ZNF324: variants seen among roughly 807,000 people sequenced by gnomAD.
The protein encoded by ZNF324 is zinc finger protein 324A.
In ZNF324, 3 loss-of-function variants were observed where a neutral mutation model predicts 10.3. The ratio of observed to expected loss-of-function variants is 0.29; its 90% CI spans 0.13 to 0.75. The LOEUF (loss-of-function observed/expected upper bound fraction) is 0.75. Among genes scored for constraint, ZNF324 ranks in the 30% least tolerant of loss-of-function variants. The probability of loss-of-function intolerance (pLI) is 0.69; values close to 1 mark genes in which losing one functional copy is unlikely to be tolerated. For missense variants in ZNF324, 763 were observed against 784.4 expected (o/e 0.97, Z 0.33); for synonymous variants, 430 against 339.5 (o/e 1.27, Z -2.93).
At chr19:58,469,370 C>A in intron 2 of ZNF324, 64 bp downstream of exon 2, 1 of 1,581,462 alleles carries the variant, frequency 6.3e-7, no homozygotes, top group East Asian at 2.2e-5. Flanking sequence ...AGGGCTGCCC[C>A]CTCACCTCCC....
rs773279417 is a variant in ZNF324 at position 58,471,951 on chromosome 19, G to A, written c.1459G>A (p.Gly487Ser). Residue 487 changes from glycine (G) to serine (S), a missense_variant, in exon 4 of 4, where the codon GGC becomes AGC. Physicochemically the swap from Gly to Ser is moderately conservative, Grantham distance 56. Coordinates refer to ENST00000196482, the MANE Select transcript of ZNF324 (RefSeq NM_014347.3). Reference sequence around the variant, plus strand: ...GAAGCCCTTCGTGTGTACGCAGTGTGGCCGCGCCTTCCGTGAGCGCCCGGC... The same window carrying A: ...GAAGCCCTTCGTGTGTACGCAGTGTAGCCGCGCCTTCCGTGAGCGCCCGGC... Reference protein sequence around the residue: ...GEKPFVCTQCGRAFRERPALF... With the variant: ...GEKPFVCTQCSRAFRERPALF... 1.2e-6 allele frequency: 2 copies of A among 1,609,600 alleles called. No individual in the cohort carries two copies. Among genetic ancestry groups the A allele is most frequent in the Non-Finnish European group, 1.7e-6 (2 of 1,179,168 alleles).
In ZNF324 at chr19:58,474,051, A is replaced by G. The variant is rs1568614395; in HGVS notation, c.*1897A>G. ...CTGCAGCTATCCTGCCCTATACACA[A>G]AGAGCCCAGATCCAGGCCCCACACA... On this transcript the variant is annotated 3_prime_UTR_variant, in exon 4 of 4. Coordinates refer to ENST00000196482, the MANE Select transcript of ZNF324 (RefSeq NM_014347.3). The G allele has an allele frequency of 6.6e-6, 1 of 152,180 alleles. No homozygotes were observed. The highest frequency in any genetic ancestry group is 1.5e-5 in the Non-Finnish European group (1 of 68,038). The allele number at this position is 152,180 out of a possible 1,614,324, so 9.4% of individuals were successfully genotyped here. A position where few individuals can be genotyped will look rare whatever the true frequency, so the allele number is the denominator to read the frequency against.
At chr19:58,469,951 C>T (rs1054672279) in intron 3 of ZNF324, 107 bp downstream of exon 3, 56 of 821,590 alleles carry the variant, frequency 6.8e-5, no homozygotes, top group African/African-American at 5.3e-4. Context: ...CCCTCCCACC[C>T]GATTCCCTTC....
chr19:58,469,636 C>A, intron 2 of ZNF324, 92 bp from the exon 3 acceptor site: 1 of 1,075,118 alleles, frequency 9.3e-7, no homozygotes, highest in Non-Finnish European at 1.4e-6. Flanking sequence ...ATGACATTTT[C>A]TGTTTCCGTG....
chr19:58,471,776 A>T lies in ZNF324; in HGVS notation c.1284A>T (p.Pro428=). The T allele has an allele frequency of 2.5e-6, 4 of 1,612,462 alleles. No homozygotes were observed. Among genetic ancestry groups the T allele is most frequent in the Non-Finnish European group, 3.4e-6 (4 of 1,179,632 alleles). ...CAGGCGAGAAGCCCTTCGCCTGCCC[A>T]CAGTGCGGCCGCGCCTTTAGCCACA... ...VHTGEKPFAC[P]QCGRAFSHSS... The change falls in exon 4 of 4, where the codon CCA becomes CCT. Residue 428 remains proline, a synonymous_variant. Transcript: ENST00000196482.
intron 3 of ZNF324, among the ~76,000 whole-genome samples, 178 bp downstream of exon 3, chr19:58,470,022 CAAGGGCACAGGAGCGGGGTTGACACAG>C (rs554087963): frequency 9.9e-4 from 150 of 152,012 alleles, no homozygotes; most frequent in Middle Eastern, 3.4e-3. Flanking sequence ...GGTGGAGCTC[CAAGGGCACAGGAGCGGGGTTGACACAG>C]AAGGGCACTC....
chr19:58,470,584 A>T, intron 3 of ZNF324, 147 bp from the exon 4 acceptor site: 1 of 959,192 alleles, frequency 1.0e-6, no homozygotes, highest in Non-Finnish European at 1.7e-6. Context: ...TCCAAACCCC[A>T]GCCCCTCCTG....
chr19:58,470,608 A>C, intron 3 of ZNF324, 123 bp from the exon 4 acceptor site: 1 of 1,233,112 alleles, frequency 8.1e-7, no homozygotes. Flanking sequence ...GGCCAGCCTC[A>C]CCTCTACTTT....
chr19:58,469,229 GGGGGCTC>G lies in ZNF324; in HGVS notation c.45_51del (p.Trp15CysfsTer13). ...GCTGTGTACTTCTCCCAGGAGGAGTGGGGGCTCCTGGACACAGCCCAGAGGGCCCTGT... is the reference window on the plus strand; with the variant it reads ...GCTGTGTACTTCTCCCAGGAGGAGTGCTGGACACAGCCCAGAGGGCCCTGT... On this transcript the variant is annotated frameshift_variant, in exon 2 of 4. Coordinates refer to ENST00000196482, the MANE Select transcript of ZNF324 (RefSeq NM_014347.3). LOFTEE classifies it high-confidence loss of function. 1 of 1,614,078 alleles carries G rather than the reference GGGGGCTC, an allele frequency of 6.2e-7. No homozygotes were observed. The highest frequency in any genetic ancestry group is 8.5e-7 in the Non-Finnish European group (1 of 1,179,970).
At position 58,471,977 on chromosome 19, in the gene ZNF324, C is replaced by T. The variant is rs534694901; in HGVS notation, c.1485C>T (p.Ala495=). The change falls in exon 4 of 4, where the codon GCC becomes GCT. Residue 495 remains alanine, a synonymous_variant. Transcript: ENST00000196482. ...QCGRAFRERP[A]LFHHQRIHTG... is the part of the protein sequence containing the mutation. ...GCCGCGCCTTCCGTGAGCGCCCGGC[C>T]CTCTTCCACCACCAGAGGATCCATA... 4.4e-6 allele frequency: 7 copies of T among 1,608,976 alleles called. No homozygotes were observed. The highest frequency in any genetic ancestry group is 5.9e-6 in the Non-Finnish European group (7 of 1,179,524).
rs779561350 is a variant in ZNF324 at position 58,471,705 on chromosome 19, G to T, written c.1213G>T (p.Ala405Ser). 6.2e-7 allele frequency: 1 copy of T among 1,612,574 alleles called. No individual in the cohort carries two copies. Among genetic ancestry groups the T allele is most frequent in the Non-Finnish European group, 8.5e-7 (1 of 1,179,438 alleles). Residue 405 changes from alanine (A) to serine (S), a missense_variant, in exon 4 of 4, where the codon GCC (alanine) becomes TCC (serine). By Grantham distance (99) the Ala-to-Ser change is moderately conservative (BLOSUM62 1). Transcript: ENST00000196482. ...KPFVCALCGA[A>S]FSQGSSLFKH... ...CTTCGTGTGCGCGCTCTGCGGTGCT[G>T]CCTTCAGCCAGGGCTCCTCGCTCTT...
Position 58,469,332 on chromosome 19 carries a change from T to C in ZNF324, c.121+26T>C, listed in dbSNP as rs140294250. On this transcript the variant is annotated intron_variant, in intron 2 of 3. Coordinates refer to ENST00000196482, the MANE Select transcript of ZNF324 (RefSeq NM_014347.3). ...GTAAGGTCCTAGATACTCCATGAAA[T>C]GGGCAACTGATAACAAGCTGACTGG... 2.6e-5 allele frequency: 42 copies of C among 1,610,082 alleles called. No individual in the cohort carries two copies. The African/African-American group carries it at 4.4e-4, about 17-fold the overall frequency.
chr19:58,472,298 C>T lies in ZNF324; in HGVS notation c.*144C>T, dbSNP rs536808498. The T allele has an allele frequency of 1.7e-5, 15 of 896,690 alleles. No homozygotes were observed. Among genetic ancestry groups the T allele is most frequent in the Middle Eastern group, 6.9e-4 (2 of 2,896 alleles). The allele number at this position is 896,690 out of a possible 1,614,324, so 55.5% of individuals were successfully genotyped here. A position where few individuals can be genotyped will look rare whatever the true frequency, so the allele number is the denominator to read the frequency against. ...CCCTTTGGCTGTGATTTCATTTGCA[C>T]GTGGGGACAGGATTTGCCAGTTCAC... is the stretch of plus-strand genomic sequence containing the variant. On this transcript the variant is annotated 3_prime_UTR_variant, in exon 4 of 4. Transcript: ENST00000196482.
Position 58,469,902 on chromosome 19 carries a change from C to T in ZNF324, c.238+58C>T, listed in dbSNP as rs541342020. 6.3e-6 allele frequency: 9 copies of T among 1,426,146 alleles called. No homozygotes were observed. The Admixed American group carries it at 1.4e-4, about 22-fold the overall frequency. The allele number at this position is 1,426,146 out of a possible 1,614,324, so 88.3% of individuals were successfully genotyped here. On this transcript the variant is annotated intron_variant, in intron 3 of 3. Transcript: ENST00000196482. ...GACCAACCTGTGGTCATGCCTCTGT[C>T]CCTGGTTCCCAGACTCCCCAGAAGC...
In ZNF324 at chr19:58,469,326, A is replaced by G. The variant is rs112888137; in HGVS notation, c.121+20A>G. On this transcript the variant is annotated intron_variant, in intron 2 of 3. Coordinates refer to ENST00000196482, the MANE Select transcript of ZNF324 (RefSeq NM_014347.3). ...CGCTGGGTAAGGTCCTAGATACTCC[A>G]TGAAATGGGCAACTGATAACAAGCT... 3.1e-6 allele frequency: 5 copies of G among 1,609,842 alleles called. No individual in the cohort carries two copies. Among genetic ancestry groups the G allele is most frequent in the Non-Finnish European group, 4.2e-6 (5 of 1,177,964 alleles).
At chr19:58,470,664 C>A (rs2122411717) in intron 3 of ZNF324, 67 bp from the exon 4 acceptor site, 1 of 1,601,250 alleles carries the variant, frequency 6.2e-7, no homozygotes, top group South Asian at 1.1e-5. Flanking sequence ...CTTGCCTGTC[C>A]ACTCAGCCTG....
In ZNF324 at chr19:58,472,145, G is replaced by GGAGGTCT; in HGVS notation, c.1660_*4dup. ...GCCCAGCCGCCGTCTCGCAGCCAGCGGAGGTCTGAGGTCACAGGTTGCAGC... is the reference window on the plus strand; with the variant it reads ...GCCCAGCCGCCGTCTCGCAGCCAGCGGAGGTCTGAGGTCTGAGGTCACAGGTTGCAGC... On this transcript the variant is annotated frameshift_variant, in exon 4 of 4. Coordinates refer to ENST00000196482, the MANE Select transcript of ZNF324 (RefSeq NM_014347.3). LOFTEE classifies it high-confidence loss of function. 6.3e-7 allele frequency: 1 copy of GGAGGTCT among 1,576,422 alleles called. No individual in the cohort carries two copies. Among genetic ancestry groups the GGAGGTCT allele is most frequent in the African/African-American group, 1.3e-5 (1 of 74,630 alleles).
At position 58,472,755 on chromosome 19, in the gene ZNF324, A is replaced by G. The variant is rs548874956; in HGVS notation, c.*601A>G. ...GAACATCATGTTTGTAGACGCTGAC[A>G]GGTGGGGTCCTAATGAGAGCCAACA... is the stretch of plus-strand genomic sequence containing the variant. On this transcript the variant is annotated 3_prime_UTR_variant, in exon 4 of 4. Transcript: ENST00000196482. 1 of 152,718 alleles carries G rather than the reference A, an allele frequency of 6.5e-6. No individual in the cohort carries two copies. Among genetic ancestry groups the G allele is most frequent in the East Asian group, 1.9e-4 (1 of 5,190 alleles). The allele number at this position is 152,718 out of a possible 1,614,324, so 9.5% of individuals were successfully genotyped here.
Position 58,472,384 on chromosome 19 carries a change from T to G in ZNF324, c.*230T>G, listed in dbSNP as rs573563042. 1 of 559,954 alleles carries G rather than the reference T, an allele frequency of 1.8e-6. No homozygotes were observed. The highest frequency in any genetic ancestry group is 3.1e-6 in the Non-Finnish European group (1 of 318,268). 34.7% of individuals were successfully genotyped at this position (559,954 alleles called of 1,614,324 possible). A position where few individuals can be genotyped will look rare whatever the true frequency, so the allele number is the denominator to read the frequency against. On this transcript the variant is annotated 3_prime_UTR_variant, in exon 4 of 4. Coordinates refer to ENST00000196482, the MANE Select transcript of ZNF324 (RefSeq NM_014347.3). ...CTGCAGCAACATCAGGGGGAGGACG[T>G]GGTGGCTGAACTCTAGTGGGGCCGA...
Sources: gnomAD v4.1 joint callset for allele counts (sites outside exome capture counted in the v4.1 genomes callset) on GRCh38, gnomAD v4.1.1 for gene constraint, MANE v1.5 for transcripts, NCBI Gene and HGNC (gene_info 2026-07-23, HGNC 2026-07-21) for gene names.